Variants in SULT6B1 observed in about 807,000 individuals in gnomAD.
SULT6B1 encodes sulfotransferase 6B1.
In SULT6B1, 44 loss-of-function variants were observed where a neutral mutation model predicts 37.2. The ratio of observed to expected loss-of-function variants is 1.18; its 90% CI spans 0.93 to 1.52. The LOEUF is 1.52. Ranked by LOEUF, SULT6B1 falls within the 40% of genes most tolerant of loss-of-function variation. The pLI, the probability that SULT6B1 is intolerant of heterozygous loss-of-function variation, is 0.00. For missense variants in SULT6B1, 450 were observed against 361.0 expected (o/e 1.25, Z -2.00); for synonymous variants, 140 against 126.0 (o/e 1.11, Z -0.74).
upstream of SULT6B1, among the ~76,000 whole-genome samples, chr2:37,193,582 AAAG>A (rs1434798190): frequency 1.5e-4 from 19 of 125,426 alleles, no homozygotes; most frequent in South Asian, 4.9e-4. Context: ...AAAAGAAGAA[AAAG>A]AAGAAGAAGA....
intron 5 of SULT6B1, 101 bp from the exon 6 acceptor site, chr2:37,171,691 T>A: frequency 9.6e-7 from 1 of 1,046,962 alleles, no homozygotes; most frequent in Non-Finnish European, 1.4e-6. Flanking sequence ...CCTAACTCCC[T>A]AGTTCATCTC....
At chr2:37,173,064 G>A (rs1676340666) in intron 5 of SULT6B1, among the ~76,000 whole-genome samples, 1 of 151,124 alleles carries the variant, frequency 6.6e-6, no homozygotes, top group South Asian at 2.1e-4. Context: ...TGTTGGTCAG[G>A]CTTGTCTCGA....
chr2:37,180,833 A>G (rs6718775), intron 3 of SULT6B1, among the ~76,000 whole-genome samples: 44,878 of 152,012 alleles, frequency 0.3, 7,680 homozygotes, highest in East Asian at 0.79. Flanking sequence ...GTCATGAGCC[A>G]AGATTGTGCC....
At chr2:37,179,262 A>ATTCGTTT (rs923715825) in intron 4 of SULT6B1, among the ~76,000 whole-genome samples, 196 bp downstream of exon 4, 1 of 152,118 alleles carries the variant, frequency 6.6e-6, no homozygotes, top group African/African-American at 2.4e-5. Context: ...CTGGCCCCAA[A>ATTCGTTT]TTCGTTTTTA....
intron 3 of SULT6B1, among the ~76,000 whole-genome samples, chr2:37,180,038 G>A (rs965487149): frequency 1.3e-5 from 2 of 152,182 alleles, no homozygotes; most frequent in Non-Finnish European, 2.9e-5. Flanking sequence ...ACATGACACA[G>A]AACGTCTGAA....
At chr2:37,172,576 C>CGCGA (rs1280396314) in intron 5 of SULT6B1, among the ~76,000 whole-genome samples, 11 of 151,922 alleles carry the variant, frequency 7.2e-5, no homozygotes, top group Non-Finnish European at 1.5e-4. Flanking sequence ...GGCATGATCT[C>CGCGA]GGCTCACTGC....
rs1265198343 is a variant in SULT6B1 at position 37,171,455 on chromosome 2, C to T, written c.760G>A (p.Gly254Ser). The T allele has an allele frequency of 4.3e-6, 7 of 1,613,638 alleles. No homozygotes were observed. The African/African-American group carries it at 5.3e-5, about 12-fold the overall frequency. ...AKSQDTHGAV[G>S]PFLFRKGEVG... Reference sequence around the variant, plus strand: ...TTACCTTTGCGGAAAAGGAATGGGCCGACAGCACCGTGTGTGTCCTGAGAC... The same window carrying T: ...TTACCTTTGCGGAAAAGGAATGGGCTGACAGCACCGTGTGTGTCCTGAGAC... Residue 254 changes from glycine (G) to serine (S), a missense_variant, in exon 6 of 7, where the codon GGC becomes AGC. Gly to Ser is a moderately conservative substitution (Grantham distance 56). Coordinates refer to ENST00000535679, the MANE Select transcript of SULT6B1 (RefSeq NM_001367551.1).
intron 4 of SULT6B1, among the ~76,000 whole-genome samples, chr2:37,179,046 C>T (rs1420017250): frequency 6.6e-6 from 1 of 152,182 alleles, no homozygotes; most frequent in Non-Finnish European, 1.5e-5. Flanking sequence ...GCAATCCCTG[C>T]CTTCTGGGTA....
At position 37,174,224 on chromosome 2, in the gene SULT6B1, ATTCT is replaced by A. The variant is rs1434820629; in HGVS notation, c.624+904_624+907del. Reference sequence around the variant, plus strand: ...CAGTAAGGTCTCTCCTAATCTTCCTATTCTTTTTTTTTTTTTTTTTTTTTTTTTG... The same window carrying A: ...CAGTAAGGTCTCTCCTAATCTTCCTATTTTTTTTTTTTTTTTTTTTTTTTG... On this transcript the variant is annotated intron_variant, in intron 5 of 6. Transcript: ENST00000535679. 6.2e-5 allele frequency among the ~76,000 whole-genome samples: 7 copies of A among 113,304 alleles called. No homozygotes were observed. The South Asian group carries it at 8.4e-4, about 14-fold the overall frequency. The allele number at this position is 113,304 out of a possible 152,430, so 74.3% of individuals were successfully genotyped here.
upstream of SULT6B1, chr2:37,188,690 T>C (rs369395413): frequency 5.6e-5 from 38 of 681,258 alleles, no homozygotes; most frequent in East Asian, 2.0e-4. Context: ...GGGGGAGTGA[T>C]TGCTTTTAAT....
At chr2:37,172,846 T>TTTC (rs1282547652) in intron 5 of SULT6B1, among the ~76,000 whole-genome samples, 2 of 82,486 alleles carry the variant, frequency 2.4e-5, no homozygotes, top group Non-Finnish European at 4.8e-5. Flanking sequence ...TTGTTTGTTT[T>TTTC]TGGTTTTTCG....
chr2:37,185,670 A>T (rs1322729261), intron 2 of SULT6B1, among the ~76,000 whole-genome samples: 2 of 146,646 alleles, frequency 1.4e-5, no homozygotes, highest in Middle Eastern at 3.6e-3. Flanking sequence ...GTGAGCCGAG[A>T]TCGCACCACT....
intron 6 of SULT6B1, among the ~76,000 whole-genome samples, chr2:37,168,606 C>G (rs1676231682): frequency 1.3e-5 from 2 of 152,166 alleles, no homozygotes; most frequent in South Asian, 4.1e-4. Flanking sequence ...TAACCCTATT[C>G]CTCTCCAAAC....
intron 2 of SULT6B1, among the ~76,000 whole-genome samples, chr2:37,184,866 C>T (rs1323623120): frequency 2.6e-5 from 4 of 151,528 alleles, no homozygotes; most frequent in Non-Finnish European, 5.9e-5. Flanking sequence ...GTGGAGATCT[C>T]AACTCAAGCA....
chr2:37,194,329 C>A (rs536877572), intron 1 of SULT6B1: 6 of 252,832 alleles, frequency 2.4e-5, no homozygotes, highest in African/African-American at 4.6e-5. Context: ...ATCTGCCCAT[C>A]TTGGCCTCCC....
chr2:37,170,561 G>A (rs1324037983), intron 6 of SULT6B1, among the ~76,000 whole-genome samples: 2 of 151,040 alleles, frequency 1.3e-5, no homozygotes. Flanking sequence ...TTTGGGAGAG[G>A]AGTTTGAGAC....
chr2:37,180,882 TCAACAATAA>T (rs1260386975), intron 3 of SULT6B1, among the ~76,000 whole-genome samples: 1 of 152,184 alleles, frequency 6.6e-6, no homozygotes, highest in Non-Finnish European at 1.5e-5. Flanking sequence ...AGACTCCATC[TCAACAATAA>T]CAACAATAAC....
upstream of SULT6B1, among the ~76,000 whole-genome samples, chr2:37,193,224 G>C (rs1485148718): frequency 6.6e-6 from 1 of 151,828 alleles, no homozygotes; most frequent in African/African-American, 2.4e-5. Flanking sequence ...GGGAGGCTGA[G>C]GCAGGCGGAT....
chr2:37,184,730 G>A (rs145146654), intron 2 of SULT6B1, among the ~76,000 whole-genome samples: 3,522 of 152,218 alleles, frequency 0.023, 65 homozygotes, highest in Middle Eastern at 0.054. Context: ...TACTCAGGAG[G>A]CTGAGGCAGG....
Sources: gnomAD v4.1 joint callset for allele counts (sites outside exome capture counted in the v4.1 genomes callset) on GRCh38, gnomAD v4.1.1 for gene constraint, MANE v1.5 for transcripts, NCBI Gene and HGNC (gene_info 2026-07-23, HGNC 2026-07-21) for gene names.